Variants in MAK16 observed in about 807,000 individuals in gnomAD.
MAK16 encodes the protein protein MAK16 homolog.
MAK16 carries 12 observed loss-of-function variants against 49.9 expected under a neutral mutation model. The ratio of observed to expected loss-of-function variants is 0.24; its 90% CI spans 0.15 to 0.39. The LOEUF (loss-of-function observed/expected upper bound fraction) is 0.39, where lower values mean the gene tolerates loss of function less well. Ranked by LOEUF, MAK16 falls within the 10% of genes least tolerant of loss-of-function variation. The pLI is 1.00. For missense variants in MAK16, 292 were observed against 363.7 expected (o/e 0.80, Z 1.60); for synonymous variants, 115 against 126.4 (o/e 0.91, Z 0.60).
intron 6 of MAK16, 115 bp downstream of exon 6, chr8:33,490,454 A>G (rs1450771242): frequency 1.4e-6 from 1 of 701,934 alleles, no homozygotes; most frequent in Non-Finnish European, 2.4e-6. Flanking sequence ...GTTCACTAAT[A>G]GATAACTATT....
intron 4 of MAK16, 22 bp from the exon 5 acceptor site, chr8:33,488,966 A>G: frequency 6.2e-7 from 1 of 1,614,018 alleles, no homozygotes; most frequent in Non-Finnish European, 8.5e-7. Context: ...TGCCCTTCAA[A>G]CTTCCTGTTT....
At chr8:33,488,934 A>G in intron 4 of MAK16, 54 bp from the exon 5 acceptor site, 1 of 1,612,226 alleles carries the variant, frequency 6.2e-7, no homozygotes, top group Non-Finnish European at 8.5e-7. Context: ...TGACAGTGAA[A>G]ACCTAATGAA....
chr8:33,495,428 A>G (rs1808841699), intron 6 of MAK16, 114 bp from the exon 7 acceptor site: 1 of 835,228 alleles, frequency 1.2e-6, no homozygotes, highest in Non-Finnish European at 1.9e-6. Context: ...ATTAGCAAGG[A>G]GGGGAAATAA....
In MAK16 at chr8:33,489,765, G is replaced by C. The variant is rs1808748417; in HGVS notation, c.393-520G>C. On this transcript the variant is annotated intron_variant, in intron 5 of 9. Transcript: ENST00000360128. The surrounding 1 kb of genome is among the most constrained non-coding windows in gnomAD (Gnocchi z 4.2). ...GACATGTGACTATACAGGAATGTAAGAACTTTACTCTGGATTCACTGAAAA... is the reference window on the plus strand; with the variant it reads ...GACATGTGACTATACAGGAATGTAACAACTTTACTCTGGATTCACTGAAAA... Among the ~76,000 whole-genome samples the C allele has an allele frequency of 6.6e-6, 1 of 152,168 alleles. No individual in the cohort carries two copies. The highest frequency in any genetic ancestry group is 1.5e-5 in the Non-Finnish European group (1 of 68,036).
chr8:33,498,292 A>AAAG, intron 9 of MAK16, 140 bp from the exon 10 acceptor site: 1 of 722,750 alleles, frequency 1.4e-6, no homozygotes, highest in Admixed American at 3.4e-5. Context: ...AAAAAAAAAA[A>AAAG]TTAAAGAAAG....
At chr8:33,490,396 T>C (rs967847045) in intron 6 of MAK16, 57 bp downstream of exon 6, 15 of 1,380,172 alleles carry the variant, frequency 1.1e-5, no homozygotes, top group African/African-American at 2.9e-5. Context: ...GGGTCTCTTA[T>C]AGATTCAGTC....
In MAK16 at chr8:33,501,090, G is replaced by A. The variant is rs1298540720; in HGVS notation, c.*2461G>A. 1 of 152,642 alleles carries A rather than the reference G, an allele frequency of 6.6e-6. No individual in the cohort carries two copies. The highest frequency in any genetic ancestry group is 1.5e-5 in the Non-Finnish European group (1 of 68,460). 9.5% of individuals were successfully genotyped at this position (152,642 alleles called of 1,614,324 possible). A position where few individuals can be genotyped will look rare whatever the true frequency, so the allele number is the denominator to read the frequency against. On this transcript the variant is annotated 3_prime_UTR_variant, in exon 10 of 10. Coordinates refer to ENST00000360128, the MANE Select transcript of MAK16 (RefSeq NM_032509.4). ...ACAATGCTAGTGACTGCACAATATT[G>A]TGACTGTACTTAATGCCACTGAACT...
rs1457229434 is a variant in MAK16, at chr8:33,485,226, G to A, written c.15+5G>A. On this transcript the variant is annotated splice_donor_5th_base_variant and intron_variant, in intron 1 of 9. Transcript: ENST00000360128. ...GACACCATGCAGTCGGATGATGTGA[G>A]TCTCCTCCGGTTGTTCTTACACCCG... The A allele has an allele frequency of 3.1e-6, 5 of 1,614,102 alleles. No individual in the cohort carries two copies. The highest frequency in any genetic ancestry group is 4.2e-6 in the Non-Finnish European group (5 of 1,180,032).
intron 2 of MAK16, 41 bp from the exon 3 acceptor site, chr8:33,488,479 C>T: frequency 6.2e-7 from 1 of 1,613,448 alleles, no homozygotes; most frequent in Non-Finnish European, 8.5e-7. Flanking sequence ...GCCTCTTTGG[C>T]AACCCATTTT....
At chr8:33,485,972 T>A (rs963871331) in intron 1 of MAK16, among the ~76,000 whole-genome samples, 1 of 152,078 alleles carries the variant, frequency 6.6e-6, no homozygotes, top group Non-Finnish European at 1.5e-5. Context: ...ATCTAAAAGA[T>A]AAGAATAAGC....
At chr8:33,487,508 T>C (rs1452986587) in intron 1 of MAK16, among the ~76,000 whole-genome samples, 1 of 151,542 alleles carries the variant, frequency 6.6e-6, no homozygotes, top group South Asian at 2.1e-4. Flanking sequence ...TTACCGCAAC[T>C]TCTGCCTCCT....
At chr8:33,490,594 TGTG>T (rs1167274753) in intron 6 of MAK16, among the ~76,000 whole-genome samples, 14 of 152,236 alleles carry the variant, frequency 9.2e-5, no homozygotes, top group Admixed American at 3.3e-4. Flanking sequence ...CTGAATTTCT[TGTG>T]GTCAAATATT....
Position 33,489,401 on chromosome 8 carries a change from G to T in MAK16, c.392+262G>T, listed in dbSNP as rs1430752053. 2.9e-6 allele frequency: 1 copy of T among 344,664 alleles called. No individual in the cohort carries two copies. Among genetic ancestry groups the T allele is most frequent in the South Asian group, 3.4e-5 (1 of 29,850 alleles). The allele number at this position is 344,664 out of a possible 1,614,324, so 21.4% of individuals were successfully genotyped here. A position where few individuals can be genotyped will look rare whatever the true frequency, so the allele number is the denominator to read the frequency against. ...TTATTTTCTTTTTTGTTAAGACGGA[G>T]TCTCACTCTGTCGCCCAGGCTGGAA... On this transcript the variant is annotated intron_variant, in intron 5 of 9. Coordinates refer to ENST00000360128, the MANE Select transcript of MAK16 (RefSeq NM_032509.4). This position sits in a 1 kb window ranked among gnomAD's most constrained non-coding sequence, Gnocchi z 4.2.
intron 7 of MAK16, among the ~76,000 whole-genome samples, chr8:33,496,235 C>T (rs1254298560): frequency 1.3e-5 from 2 of 152,046 alleles, no homozygotes; most frequent in Non-Finnish European, 2.9e-5. Context: ...TCTTTTAAGG[C>T]TCTTTGAAAT....
At chr8:33,497,127 A>T in intron 8 of MAK16, 105 bp from the exon 9 acceptor site, 1 of 814,424 alleles carries the variant, frequency 1.2e-6, no homozygotes, top group Non-Finnish European at 2.0e-6. Context: ...TTCATTGCCT[A>T]GTGAAAAGAC....
At chr8:33,491,269 C>T (rs1248184162) in intron 6 of MAK16, among the ~76,000 whole-genome samples, 1 of 152,172 alleles carries the variant, frequency 6.6e-6, no homozygotes, top group Non-Finnish European at 1.5e-5. Context: ...CCCTTTGATA[C>T]ACTAATTTCC....
In MAK16 at chr8:33,489,848, T is replaced by TC. The variant is rs1808749555; in HGVS notation, c.393-437_393-436insC. 6.6e-6 allele frequency among the ~76,000 whole-genome samples: 1 copy of TC among 152,224 alleles called. No individual in the cohort carries two copies. Among genetic ancestry groups the TC allele is most frequent in the Non-Finnish European group, 1.5e-5 (1 of 68,036 alleles). Reference sequence around the variant, plus strand: ...ATTAACAGAATACCTTCTCTAGGACTGTTAGGCCCTAATGCTTTTTGACTG... The same window carrying TC: ...ATTAACAGAATACCTTCTCTAGGACTCGTTAGGCCCTAATGCTTTTTGACTG... On this transcript the variant is annotated intron_variant, in intron 5 of 9. Transcript: ENST00000360128. The surrounding 1 kb of genome is among the most constrained non-coding windows in gnomAD (Gnocchi z 4.2).
intron 6 of MAK16, among the ~76,000 whole-genome samples, chr8:33,494,785 C>CT (rs887797143): frequency 4.6e-4 from 67 of 146,532 alleles, no homozygotes; most frequent in African/African-American, 9.0e-4. Context: ...CGCTGTAGCC[C>CT]TTTTTTTTTT....
intron 1 of MAK16, among the ~76,000 whole-genome samples, chr8:33,487,392 A>G (rs1808704896): frequency 6.6e-6 from 1 of 151,412 alleles, no homozygotes; most frequent in South Asian, 2.1e-4. Context: ...AGATAAAATT[A>G]TGGTATGTAT....
Sources: gnomAD v4.1 joint callset for allele counts (sites outside exome capture counted in the v4.1 genomes callset) on GRCh38, gnomAD v4.1.1 for gene constraint, Gnocchi (gnomAD v3.1) non-coding constraint, MANE v1.5 for transcripts, NCBI Gene and HGNC (gene_info 2026-07-23, HGNC 2026-07-21) for gene names.